The following DGKD variants were observed in gnomAD, a reference collection of about 807,000 sequenced individuals.
DGKD encodes DAG kinase delta.
DGKD carries 68 observed loss-of-function variants against 154.4 expected under a neutral mutation model. The ratio of observed to expected loss-of-function variants is 0.44; its 90% confidence interval spans 0.36 to 0.54. The LOEUF is 0.54. Among genes scored for constraint, DGKD ranks in the 20% least tolerant of loss-of-function variants. DGKD has a pLI of 0.00. For synonymous variants in DGKD, 693 were observed against 638.0 expected (o/e 1.09, Z -1.30); for missense variants, 1,343 against 1,593.6 (o/e 0.84, Z 2.68).
At chr2:233,466,199 A>G (rs1038326167) in intron 27 of DGKD, among the ~76,000 whole-genome samples, 5 of 151,330 alleles carry the variant, frequency 3.3e-5, no homozygotes, top group Non-Finnish European at 4.4e-5. Flanking sequence ...GGTTTTTGTA[A>G]ATGTATCTTG....
At chr2:233,405,528 AAAAG>A (rs1310251089) in intron 3 of DGKD, among the ~76,000 whole-genome samples, 8 of 152,012 alleles carry the variant, frequency 5.3e-5, no homozygotes, top group African/African-American at 1.4e-4. Flanking sequence ...AAAAAAAAAA[AAAAG>A]AAAGAAAAAA....
In DGKD at chr2:233,452,081, G is replaced by A. The variant is rs750835215; in HGVS notation, c.2264+21G>A. ...ACCCTGTGAGTATGAGGGATAAACC[G>A]AGTGGGCATATTGTTACATGGCTGC... On this transcript the variant is annotated intron_variant, in intron 18 of 29. Transcript: ENST00000264057. The surrounding 1 kb of genome is among the most constrained non-coding windows in gnomAD (Gnocchi z 4.0). 5.0e-6 allele frequency: 8 copies of A among 1,599,276 alleles called. No homozygotes were observed. Among genetic ancestry groups the A allele is most frequent in the South Asian group, 2.2e-5 (2 of 90,694 alleles).
At chr2:233,409,960 A>T (rs1344376537) in intron 3 of DGKD, among the ~76,000 whole-genome samples, 1 of 152,074 alleles carries the variant, frequency 6.6e-6, no homozygotes, top group Non-Finnish European at 1.5e-5. Context: ...GCTGGACTTC[A>T]TACAGAAAAG....
rs2062847672 is a variant in DGKD, at chr2:233,440,431, G to A, written c.1086-1456G>A. ...CGGGGAGTGCAGATGCAGGGAATGG[G>A]TAGGAGCACACGCAGGGTCCCCCGG... On this transcript the variant is annotated intron_variant, in intron 9 of 29. Coordinates refer to ENST00000264057, the MANE Select transcript of DGKD (RefSeq NM_152879.3). The surrounding 1 kb of genome is among the most constrained non-coding windows in gnomAD (Gnocchi z 4.9). Among the ~76,000 whole-genome samples the A allele has an allele frequency of 6.6e-6, 1 of 152,210 alleles. No individual in the cohort carries two copies. Among genetic ancestry groups the A allele is most frequent in the African/African-American group, 2.4e-5 (1 of 41,440 alleles).
rs988808853 is a variant in DGKD at position 233,452,648 on chromosome 2, G to A, written c.2264+588G>A. On this transcript the variant is annotated intron_variant, in intron 18 of 29. Transcript: ENST00000264057. This position sits in a 1 kb window ranked among gnomAD's most constrained non-coding sequence, Gnocchi z 4.0. ...GTGCTGATACTGCTACTCCTTGGGG[G>A]ACAAGGCCTTCTTCCTCTGCTGGCC... Among the ~76,000 whole-genome samples the A allele has an allele frequency of 2.6e-5, 4 of 152,182 alleles. No individual in the cohort carries two copies. Among genetic ancestry groups the A allele is most frequent in the African/African-American group, 7.2e-5 (3 of 41,446 alleles).
At chr2:233,400,692 C>T (rs908698681) in intron 3 of DGKD, among the ~76,000 whole-genome samples, 2 of 152,230 alleles carry the variant, frequency 1.3e-5, no homozygotes, top group South Asian at 2.1e-4. Flanking sequence ...CCTGAGCTCT[C>T]TCGGGTAGCC....
intron 26 of DGKD, among the ~76,000 whole-genome samples, chr2:233,462,967 C>T (rs754220443): frequency 3.9e-5 from 6 of 152,208 alleles, no homozygotes; most frequent in Non-Finnish European, 8.8e-5. Context: ...ACACCCTTGT[C>T]GTCGTGGACA....
chr2:233,464,912 A>G (rs1035979543), intron 27 of DGKD, among the ~76,000 whole-genome samples: 7 of 152,246 alleles, frequency 4.6e-5, no homozygotes, highest in Admixed American at 4.6e-4. Context: ...AGGAAAGCTC[A>G]TCTTGGGCAG....
At chr2:233,377,549 G>T (rs1381188244) in intron 1 of DGKD, among the ~76,000 whole-genome samples, 2 of 152,152 alleles carry the variant, frequency 1.3e-5, no homozygotes, top group African/African-American at 4.8e-5. Flanking sequence ...GCCTGTTGGT[G>T]GGTATTTGGG....
At chr2:233,437,974 A>G (rs1207589563) in intron 8 of DGKD, among the ~76,000 whole-genome samples, 1 of 152,180 alleles carries the variant, frequency 6.6e-6, no homozygotes, top group African/African-American at 2.4e-5. Flanking sequence ...GATCAAGAAG[A>G]GAAGACAGCA....
chr2:233,371,751 T>G (rs758637899), intron 1 of DGKD, among the ~76,000 whole-genome samples: 1 of 152,176 alleles, frequency 6.6e-6, no homozygotes, highest in Non-Finnish European at 1.5e-5. Context: ...TCTTCCTGTG[T>G]GGATGTGCAG....
At chr2:233,411,960 T>G (rs930398331) in intron 3 of DGKD, among the ~76,000 whole-genome samples, 1 of 152,228 alleles carries the variant, frequency 6.6e-6, no homozygotes, top group Admixed American at 6.5e-5. Context: ...ATTTTCTATT[T>G]TGTTTTATTG....
intron 3 of DGKD, among the ~76,000 whole-genome samples, chr2:233,394,690 CCTTTTTT>C (rs374688148): frequency 0.087 from 7,231 of 82,700 alleles, 1,432 homozygotes; most frequent in South Asian, 0.25. Context: ...AATTTAATTC[CCTTTTTT>C]TTTTTTTTTT....
intron 1 of DGKD, among the ~76,000 whole-genome samples, chr2:233,381,141 G>A (rs562615324): frequency 2.0e-5 from 3 of 152,324 alleles, no homozygotes; most frequent in Middle Eastern, 6.8e-3. Context: ...TCTGCAGTGC[G>A]GCAGTTGCCC....
At chr2:233,464,124 A>G (rs113618688) in intron 26 of DGKD, 40 bp from the exon 27 acceptor site, 47 of 1,612,630 alleles carry the variant, frequency 2.9e-5, no homozygotes, top group Middle Eastern at 3.3e-4. Context: ...TCAGCAGTGC[A>G]CACTCTCCAT....
intron 16 of DGKD, among the ~76,000 whole-genome samples, 186 bp from the exon 17 acceptor site, chr2:233,450,736 C>T (rs1160476700): frequency 1.3e-5 from 2 of 152,134 alleles, no homozygotes; most frequent in African/African-American, 2.4e-5. Context: ...ATGAGCCCAG[C>T]CCCCCAAACA....
intron 3 of DGKD, among the ~76,000 whole-genome samples, chr2:233,423,169 C>T (rs978934347): frequency 3.9e-5 from 6 of 152,092 alleles, no homozygotes; most frequent in Non-Finnish European, 8.8e-5. Context: ...GAAGGGCATC[C>T]GAATAGTTTC....
At chr2:233,444,325 C>T (rs1430568605) in intron 10 of DGKD, among the ~76,000 whole-genome samples, 1 of 152,086 alleles carries the variant, frequency 6.6e-6, no homozygotes, top group Non-Finnish European at 1.5e-5. Context: ...GTACCCTGGC[C>T]TCTGTCCATC....
At chr2:233,379,156 G>T (rs988288092) in intron 1 of DGKD, among the ~76,000 whole-genome samples, 4 of 152,198 alleles carry the variant, frequency 2.6e-5, no homozygotes, top group African/African-American at 9.7e-5. Context: ...TTGCAAAGCG[G>T]TGATAGCTAG....
Sources: allele counts gnomAD v4.1 joint callset (sites outside exome capture counted in the v4.1 genomes callset), GRCh38; gene constraint gnomAD v4.1.1; non-coding constraint Gnocchi (gnomAD v3.1); transcripts MANE v1.5; gene names NCBI Gene and HGNC (gene_info 2026-07-23, HGNC 2026-07-21).